SLC12A1: variants seen among roughly 807,000 people sequenced by gnomAD.
The protein encoded by SLC12A1 is solute carrier family 12 member 1.
Under a neutral mutation model 130.4 loss-of-function variants are expected in SLC12A1, and 89 were observed. The ratio of observed to expected loss-of-function variants is 0.68; its 90% CI spans 0.58 to 0.81. The LOEUF (loss-of-function observed/expected upper bound fraction) is 0.81, where lower values mean the gene tolerates loss of function less well. Among genes scored for constraint, SLC12A1 ranks in the 40% least tolerant of loss-of-function variants. SLC12A1 has a pLI of 0.00. For synonymous variants in SLC12A1, 499 were observed against 460.0 expected (o/e 1.08, Z -1.09); for missense variants, 1,310 against 1,336.4 (o/e 0.98, Z 0.31).
chr15:48,208,162 A>T (rs1245939364), intron 2 of SLC12A1, 23 bp downstream of exon 2: 5 of 1,545,310 alleles, frequency 3.2e-6, no homozygotes, highest in East Asian at 4.5e-5. Flanking sequence ...GACACAAGCA[A>T]GTCTCCTCCC....
At chr15:48,289,991 C>T (rs541775643) in intron 23 of SLC12A1, among the ~76,000 whole-genome samples, 10 of 152,186 alleles carry the variant, frequency 6.6e-5, no homozygotes, top group South Asian at 6.2e-4. Context: ...CTTAGCTTAC[C>T]GTAAACATTT....
chr15:48,257,555 T>C (rs1021303015), intron 16 of SLC12A1, among the ~76,000 whole-genome samples: 2 of 152,210 alleles, frequency 1.3e-5, no homozygotes, highest in Non-Finnish European at 2.9e-5. Flanking sequence ...TAGTCTTCTA[T>C]GCACCCACAG....
At chr15:48,269,055 T>C (rs1452661139) in intron 18 of SLC12A1, among the ~76,000 whole-genome samples, 2 of 152,172 alleles carry the variant, frequency 1.3e-5, no homozygotes, top group Non-Finnish European at 2.9e-5. Context: ...TCATAGGTGC[T>C]TAGTAATATT....
In SLC12A1 at chr15:48,249,681, G is replaced by A; in HGVS notation, c.1786+5G>A. 1 of 1,600,482 alleles carries A rather than the reference G, an allele frequency of 6.2e-7. No individual in the cohort carries two copies. The highest frequency in any genetic ancestry group is 8.6e-7 in the Non-Finnish European group (1 of 1,167,674). ...CCTCTTATGCCAAATCTCCAGGTAA[G>A]CTGACTTCCAAACTAAAATATGCCT... On this transcript the variant is annotated splice_donor_5th_base_variant and intron_variant, in intron 14 of 26. Transcript: ENST00000380993.
intron 10 of SLC12A1, among the ~76,000 whole-genome samples, chr15:48,242,946 G>C (rs961258559): frequency 2.6e-5 from 4 of 152,182 alleles, no homozygotes; most frequent in Non-Finnish European, 5.9e-5. Flanking sequence ...AATTTCCCGA[G>C]TGGTTTTCTT....
At position 48,234,329 on chromosome 15, in the gene SLC12A1, G is replaced by A. The variant is rs141395717; in HGVS notation, c.1088-548G>A. Among the ~76,000 whole-genome samples the A allele has an allele frequency of 6.3e-3, 964 of 152,228 alleles. 14 individuals are homozygous for A. Among genetic ancestry groups the A allele is most frequent in the African/African-American group, 0.022 (926 of 41,534 alleles). ...CTGGATCTCTTTTGGCACAAAAATTGATTTTTCAGAGCTATGTCATAGAGA... is the reference window on the plus strand; with the variant it reads ...CTGGATCTCTTTTGGCACAAAAATTAATTTTTCAGAGCTATGTCATAGAGA... On this transcript the variant is annotated intron_variant, in intron 8 of 26. Coordinates refer to ENST00000380993, the MANE Select transcript of SLC12A1 (RefSeq NM_000338.3).
intron 13 of SLC12A1, 62 bp from the exon 14 acceptor site, chr15:48,249,513 C>A: frequency 8.4e-7 from 1 of 1,195,176 alleles, no homozygotes; most frequent in Non-Finnish European, 1.3e-6. Context: ...GAGGCTATAA[C>A]AGCTGTTCAG....
At chr15:48,279,531 C>T (rs2041989523) in intron 20 of SLC12A1, among the ~76,000 whole-genome samples, 1 of 152,136 alleles carries the variant, frequency 6.6e-6, no homozygotes, top group Non-Finnish European at 1.5e-5. Flanking sequence ...GATCGATGCT[C>T]ATAACATTGT....
At chr15:48,302,297 T>C (rs2042241023) in intron 26 of SLC12A1, among the ~76,000 whole-genome samples, 1 of 152,124 alleles carries the variant, frequency 6.6e-6, no homozygotes, top group Admixed American at 6.5e-5. Context: ...AAAAATAATT[T>C]TGGTGCTTTC....
At chr15:48,208,578 G>A (rs532998986) in intron 2 of SLC12A1, among the ~76,000 whole-genome samples, 1 of 152,336 alleles carries the variant, frequency 6.6e-6, no homozygotes, top group African/African-American at 2.4e-5. Flanking sequence ...CTCCCAAAGA[G>A]ATGGGATTGC....
chr15:48,301,342 C>T lies in SLC12A1; in HGVS notation c.3124C>T (p.Leu1042Phe). The change falls in exon 26 of 27, where the codon CTC becomes TTC. Residue 1042 changes from leucine (L) to phenylalanine (F), a missense_variant. Leu to Phe is a conservative substitution (Grantham distance 22, BLOSUM62 0). Transcript: ENST00000380993. ...TTACCGCCAAGTTCGACTGAATGAA[C>T]TCTTACAGGAGCACTCCAGAGCTGC... ...KSYRQVRLNE[L>F]LQEHSRAANL... 6.2e-7 allele frequency: 1 copy of T among 1,601,116 alleles called. No homozygotes were observed. The highest frequency in any genetic ancestry group is 8.5e-7 in the Non-Finnish European group (1 of 1,173,498).
At chr15:48,243,508 T>C (rs2041542071) in intron 10 of SLC12A1, among the ~76,000 whole-genome samples, 1 of 152,064 alleles carries the variant, frequency 6.6e-6, no homozygotes, top group Admixed American at 6.5e-5. Flanking sequence ...ATACAAAAAT[T>C]ATCCGGGCAT....
At chr15:48,256,011 A>G in intron 16 of SLC12A1, 101 bp downstream of exon 16, 1 of 739,462 alleles carries the variant, frequency 1.4e-6, no homozygotes, top group Non-Finnish European at 2.4e-6. Flanking sequence ...CTTTAGGGGT[A>G]CATTCTAAAA....
At chr15:48,254,781 G>A (rs570182938) in intron 15 of SLC12A1, among the ~76,000 whole-genome samples, 28 of 151,874 alleles carry the variant, frequency 1.8e-4, no homozygotes, top group South Asian at 8.3e-4. Flanking sequence ...AAAATTAGCC[G>A]GGCGTGGTGG....
intron 16 of SLC12A1, among the ~76,000 whole-genome samples, chr15:48,257,929 T>A (rs2141073646): frequency 6.6e-6 from 1 of 151,856 alleles, no homozygotes; most frequent in Non-Finnish European, 1.5e-5. Flanking sequence ...TTTTCCAACT[T>A]TTTTGCTCTG....
At chr15:48,255,451 A>AAG (rs1555383979) in intron 15 of SLC12A1, among the ~76,000 whole-genome samples, 55 of 151,736 alleles carry the variant, frequency 3.6e-4, no homozygotes, top group African/African-American at 1.3e-3. Flanking sequence ...AAAAAAAAAA[A>AAG]AAGAAGAATT....
At chr15:48,253,184 C>A (rs8032420) in intron 15 of SLC12A1, among the ~76,000 whole-genome samples, 55,411 of 152,056 alleles carry the variant, frequency 0.36, 14,424 homozygotes, top group African/African-American at 0.74. Context: ...ATGACTTTAC[C>A]TATTGTTAAC....
intron 2 of SLC12A1, among the ~76,000 whole-genome samples, chr15:48,217,660 A>C (rs1009759781): frequency 1.3e-5 from 2 of 152,214 alleles, no homozygotes; most frequent in Admixed American, 6.5e-5. Context: ...CAGAAGAAAC[A>C]ATAAGAAATG....
At chr15:48,298,106 CT>C (rs1414277403) in intron 24 of SLC12A1, among the ~76,000 whole-genome samples, 1 of 152,146 alleles carries the variant, frequency 6.6e-6, no homozygotes, top group African/African-American at 2.4e-5. Context: ...TCTGCAAATC[CT>C]AAATCAGGCC....
Sources: allele counts gnomAD v4.1 joint callset (sites outside exome capture counted in the v4.1 genomes callset), GRCh38; gene constraint gnomAD v4.1.1; transcripts MANE v1.5; gene names NCBI Gene and HGNC (gene_info 2026-07-23, HGNC 2026-07-21).